ST8SIA6: variants seen among roughly 807,000 people sequenced by gnomAD.
The protein encoded by ST8SIA6 is ST8 alpha-N-acetyl-neuraminide alpha-2,8-sialyltransferase 6.
ST8SIA6 carries 39 observed loss-of-function variants against 33.6 expected under a neutral mutation model. The observed-to-expected ratio is 1.16, with a 90% CI of 0.90 to 1.52. ST8SIA6 has a LOEUF of 1.52. ST8SIA6 is among the 40% of genes most tolerant of loss of function. The probability of loss-of-function intolerance (pLI) is 0.00; values close to 1 mark genes in which losing one functional copy is unlikely to be tolerated. For synonymous variants in ST8SIA6, 172 were observed against 167.2 expected, an observed-to-expected ratio of 1.03 and a Z score of -0.22; for missense variants, 441 against 443.8, an observed-to-expected ratio of 0.99 and a Z score of 0.06.
intron 3 of ST8SIA6, among the ~76,000 whole-genome samples, chr10:17,385,024 GT>G (rs889762074): frequency 5.3e-5 from 8 of 151,866 alleles, no homozygotes; most frequent in Non-Finnish European, 7.4e-5. Context: ...TTGTTTGTTT[GT>G]TTTTTTGTAA....
At chr10:17,399,917 CA>C (rs61580333) in intron 2 of ST8SIA6, among the ~76,000 whole-genome samples, 52,887 of 110,958 alleles carry the variant, frequency 0.48, 9,983 homozygotes, top group East Asian at 0.63. Context: ...GATTCTGTCT[CA>C]AAAAAAAAAA....
At chr10:17,447,035 A>T (rs193069013) in intron 2 of ST8SIA6, among the ~76,000 whole-genome samples, 2,033 of 151,598 alleles carry the variant, frequency 0.013, 26 homozygotes, top group Non-Finnish European at 0.022. Flanking sequence ...AAAAAAAAAA[A>T]AAAAAAGAAA....
At chr10:17,436,707 A>C (rs891123647) in intron 2 of ST8SIA6, among the ~76,000 whole-genome samples, 25 of 151,706 alleles carry the variant, frequency 1.6e-4, no homozygotes, top group Non-Finnish European at 3.4e-4. Flanking sequence ...TGAACTCATC[A>C]TTTTTTATGG....
intron 4 of ST8SIA6, among the ~76,000 whole-genome samples, chr10:17,354,634 G>A (rs1252735101): frequency 1.3e-5 from 2 of 152,028 alleles, no homozygotes; most frequent in East Asian, 1.9e-4. Flanking sequence ...TAGAATCTGC[G>A]GTAAATTTCA....
In ST8SIA6 at chr10:17,430,210, G is replaced by A. The variant is rs139546177; in HGVS notation, c.200+23349C>T. 2.8e-3 allele frequency among the ~76,000 whole-genome samples: 422 copies of A among 152,238 alleles called. 3 individuals are homozygous for A. The highest frequency in any genetic ancestry group is 9.9e-3 in the African/African-American group (411 of 41,522). ...AATAATGGCCGCCAGCTCCATCCAG[G>A]TTGCTGCAAAAGACATTATTTTGTT... is the stretch of plus-strand genomic sequence containing the variant. On this transcript the variant is annotated intron_variant, in intron 2 of 7. Coordinates refer to ENST00000377602, the MANE Select transcript of ST8SIA6 (RefSeq NM_001004470.3).
intron 2 of ST8SIA6, among the ~76,000 whole-genome samples, chr10:17,435,030 G>T (rs1382677636): frequency 2.0e-5 from 3 of 152,196 alleles, no homozygotes; most frequent in Non-Finnish European, 4.4e-5. Context: ...ATGGCCTGGG[G>T]CCTAAATTAC....
intron 2 of ST8SIA6, among the ~76,000 whole-genome samples, chr10:17,426,388 AAGT>A (rs1369001268): frequency 2.6e-5 from 4 of 152,196 alleles, no homozygotes; most frequent in Non-Finnish European, 4.4e-5. Flanking sequence ...GCTATCTAGC[AAGT>A]TTTTACATGG....
chr10:17,379,305 G>GAGGA (rs200858157), intron 3 of ST8SIA6, among the ~76,000 whole-genome samples: 1,658 of 144,704 alleles, frequency 0.011, 31 homozygotes, highest in African/African-American at 0.042. Flanking sequence ...GTGAAAGTGA[G>GAGGA]AGAGAAAGAG....
At chr10:17,426,748 T>A (rs1851951450) in intron 2 of ST8SIA6, among the ~76,000 whole-genome samples, 1 of 152,204 alleles carries the variant, frequency 6.6e-6, no homozygotes, top group Admixed American at 6.5e-5. Flanking sequence ...CTTCTTGATA[T>A]TTTCCACAAA....
chr10:17,441,333 A>ATTTATTTATTTAT (rs1309959070), intron 2 of ST8SIA6, among the ~76,000 whole-genome samples: 2,410 of 129,158 alleles, frequency 0.019, 32 homozygotes, highest in Non-Finnish European at 0.025. Context: ...TATTTATTTG[A>ATTTATTTATTTAT]GACGGAGTCT....
intron 2 of ST8SIA6, among the ~76,000 whole-genome samples, chr10:17,394,855 T>G (rs1850749841): frequency 6.6e-6 from 1 of 152,084 alleles, no homozygotes; most frequent in Non-Finnish European, 1.5e-5. Context: ...TTGAGAGAAA[T>G]TGATCCAGGT....
At chr10:17,416,397 A>T (rs1851609403) in intron 2 of ST8SIA6, among the ~76,000 whole-genome samples, 1 of 152,180 alleles carries the variant, frequency 6.6e-6, no homozygotes, top group Non-Finnish European at 1.5e-5. Flanking sequence ...TGATATGTGC[A>T]GTTCTGACCT....
intron 3 of ST8SIA6, among the ~76,000 whole-genome samples, chr10:17,374,105 A>ACG (rs1185791896): frequency 1.5e-5 from 2 of 136,328 alleles, no homozygotes; most frequent in Non-Finnish European, 3.1e-5. Context: ...ACACACACAC[A>ACG]CACACACACG....
At chr10:17,401,556 C>G (rs1007811447) in intron 2 of ST8SIA6, among the ~76,000 whole-genome samples, 1 of 152,192 alleles carries the variant, frequency 6.6e-6, no homozygotes, top group East Asian at 1.9e-4. Context: ...GTAACCAAAA[C>G]AGCATGGTAC....
intron 2 of ST8SIA6, among the ~76,000 whole-genome samples, chr10:17,427,098 T>A (rs1851961086): frequency 9.1e-6 from 1 of 110,370 alleles, no homozygotes; most frequent in Non-Finnish European, 1.7e-5. Context: ...AGCAAGACTG[T>A]GTCTGAAAAA....
chr10:17,437,040 T>G (rs1024694180), intron 2 of ST8SIA6, among the ~76,000 whole-genome samples: 8 of 152,204 alleles, frequency 5.3e-5, no homozygotes, highest in Admixed American at 1.3e-4. Context: ...AACCTTCTCT[T>G]TGTTCTTCAG....
chr10:17,355,261 T>C (rs927234488), intron 4 of ST8SIA6, among the ~76,000 whole-genome samples: 1 of 152,222 alleles, frequency 6.6e-6, no homozygotes, highest in Non-Finnish European at 1.5e-5. Context: ...CTGTCCAAGA[T>C]GCTTTTATCT....
Position 17,318,763 on chromosome 10 carries a change from A to G in ST8SIA6, c.*2115T>C. 1 of 468,716 alleles carries G rather than the reference A, an allele frequency of 2.1e-6. No homozygotes were observed. The highest frequency in any genetic ancestry group is 1.6e-5 in the South Asian group (1 of 64,176). 29.0% of individuals were successfully genotyped at this position (468,716 alleles called of 1,614,324 possible). A position where few individuals can be genotyped will look rare whatever the true frequency, so the allele number is the denominator to read the frequency against. On this transcript the variant is annotated 3_prime_UTR_variant, in exon 8 of 8. Coordinates refer to ENST00000377602, the MANE Select transcript of ST8SIA6 (RefSeq NM_001004470.3). ...GTGAAAAATTTGCAATGATTCACCA[A>G]TACAGAACAAAAAGAACTGTGACTT...
chr10:17,347,953 CAAAA>C (rs55996465), intron 4 of ST8SIA6, among the ~76,000 whole-genome samples: 1 of 68,634 alleles, frequency 1.5e-5, no homozygotes, highest in Non-Finnish European at 2.8e-5. Context: ...GACTCTGTCT[CAAAA>C]AAAAAAAAAA....
Sources: allele counts gnomAD v4.1 joint callset (sites outside exome capture counted in the v4.1 genomes callset), GRCh38; gene constraint gnomAD v4.1.1; transcripts MANE v1.5; gene names NCBI Gene and HGNC (gene_info 2026-07-23, HGNC 2026-07-21).